The following CABCOCO1 variants were observed in gnomAD, a reference collection of about 807,000 sequenced individuals.
CABCOCO1 encodes ciliary-associated calcium-binding coiled-coil protein 1.
In CABCOCO1, 28 loss-of-function variants were observed where a neutral mutation model predicts 35.7. The observed-to-expected ratio is 0.78, with a 90% CI of 0.58 to 1.07. The LOEUF (loss-of-function observed/expected upper bound fraction) is 1.07. Among genes scored for constraint, CABCOCO1 ranks in the 50% least tolerant of loss-of-function variants. The pLI is 0.00. For missense variants in CABCOCO1, 326 were observed against 309.2 expected (o/e 1.05, Z -0.41); for synonymous variants, 95 against 100.1 (o/e 0.95, Z 0.30).
intron 2 of CABCOCO1, among the ~76,000 whole-genome samples, chr10:61,677,511 AT>A (rs201210224): frequency 1.6e-4 from 24 of 150,164 alleles, no homozygotes; most frequent in East Asian, 7.8e-4. Flanking sequence ...GTTCATTACC[AT>A]TTTTTTTCCC....
intron 2 of CABCOCO1, among the ~76,000 whole-genome samples, chr10:61,679,467 G>T (rs1444289054): frequency 6.6e-6 from 1 of 152,068 alleles, no homozygotes; most frequent in Non-Finnish European, 1.5e-5. Context: ...ACAGGAAATT[G>T]ACTGTTTATA....
intron 2 of CABCOCO1, among the ~76,000 whole-genome samples, chr10:61,674,853 C>A (rs976382380): frequency 3.9e-5 from 6 of 152,014 alleles, no homozygotes; most frequent in African/African-American, 1.5e-4. Flanking sequence ...TTTAATGTAA[C>A]CTTGACTTTA....
intron 7 of CABCOCO1, among the ~76,000 whole-genome samples, chr10:61,765,543 G>A (rs973237): frequency 0.73 from 110,756 of 152,184 alleles, 40,385 homozygotes; most frequent in South Asian, 0.76. Context: ...TGTATTACAC[G>A]GGAGACACAG....
In CABCOCO1 at chr10:61,665,616, G is replaced by A. The variant is rs1265398744; in HGVS notation, c.60+2584G>A. Reference sequence around the variant, plus strand: ...AAAATATCTAGGGAAGGCCGGGCGCGGTGGCTCACGCCTGTAATCCCAGCA... The same window carrying A: ...AAAATATCTAGGGAAGGCCGGGCGCAGTGGCTCACGCCTGTAATCCCAGCA... On this transcript the variant is annotated intron_variant, in intron 1 of 7. Coordinates refer to ENST00000648843, the MANE Select transcript of CABCOCO1 (RefSeq NM_001366906.2). Among the ~76,000 whole-genome samples the A allele has an allele frequency of 2.6e-5, 4 of 152,146 alleles. No individual in the cohort carries two copies. In the South Asian group the frequency reaches 8.3e-4, roughly 32 times the overall value.
chr10:61,678,295 T>A (rs1158832839), intron 2 of CABCOCO1, among the ~76,000 whole-genome samples: 1 of 152,174 alleles, frequency 6.6e-6, no homozygotes, highest in East Asian at 1.9e-4. Flanking sequence ...GGCAGTTTTC[T>A]TACTGACTTT....
At chr10:61,665,880 C>A (rs1839156077) in intron 1 of CABCOCO1, among the ~76,000 whole-genome samples, 1 of 115,330 alleles carries the variant, frequency 8.7e-6, no homozygotes. Flanking sequence ...GAGCGAGACT[C>A]CGTCTCAAAA....
chr10:61,764,638 A>G (rs1842071259), intron 7 of CABCOCO1, among the ~76,000 whole-genome samples: 1 of 152,112 alleles, frequency 6.6e-6, no homozygotes, highest in East Asian at 1.9e-4. Context: ...CTTTAGAGTC[A>G]GTGCATCCTA....
intron 3 of CABCOCO1, among the ~76,000 whole-genome samples, chr10:61,682,754 A>T (rs58291719): frequency 0.24 from 36,155 of 152,018 alleles, 4,522 homozygotes; most frequent in African/African-American, 0.31. Context: ...GTGACTCCTT[A>T]AGGACACACA....
At chr10:61,718,876 T>C (rs1454591992) in intron 5 of CABCOCO1, among the ~76,000 whole-genome samples, 1 of 152,198 alleles carries the variant, frequency 6.6e-6, no homozygotes, top group African/African-American at 2.4e-5. Context: ...AAAAAGGTGT[T>C]CATTTCTACC....
chr10:61,678,783 C>G (rs566312426), intron 2 of CABCOCO1, among the ~76,000 whole-genome samples: 5 of 152,126 alleles, frequency 3.3e-5, no homozygotes, highest in African/African-American at 1.2e-4. Context: ...AATTTAGGAG[C>G]AGGCCCATCA....
intron 5 of CABCOCO1, among the ~76,000 whole-genome samples, chr10:61,695,077 G>A (rs1262201783): frequency 6.6e-6 from 1 of 151,834 alleles, no homozygotes. Context: ...GACCACAAGT[G>A]CTCCAGATGA....
chr10:61,726,597 A>G (rs1290636382), intron 5 of CABCOCO1, among the ~76,000 whole-genome samples: 1 of 152,048 alleles, frequency 6.6e-6, no homozygotes, highest in Non-Finnish European at 1.5e-5. Context: ...TTTTATGAAT[A>G]AAAAGCAATA....
intron 1 of CABCOCO1, among the ~76,000 whole-genome samples, chr10:61,663,720 C>T (rs866800963): frequency 2.0e-5 from 3 of 152,090 alleles, no homozygotes; most frequent in Admixed American, 6.5e-5. Flanking sequence ...GATCTTTAGG[C>T]CCCTCCCATC....
At chr10:61,685,707 T>C (rs893398107) in intron 3 of CABCOCO1, among the ~76,000 whole-genome samples, 1 of 152,096 alleles carries the variant, frequency 6.6e-6, no homozygotes. Context: ...ACCACGGGCA[T>C]GTGTCACCAT....
At position 61,766,651 on chromosome 10, in the gene CABCOCO1, CAGG is replaced by C. The variant is rs955583738; in HGVS notation, c.*641_*643del. The C allele has an allele frequency of 3.3e-5, 5 of 151,858 alleles. No homozygotes were observed. Among genetic ancestry groups the C allele is most frequent in the Admixed American group, 3.3e-4 (5 of 15,250 alleles). The allele number at this position is 151,858 out of a possible 1,614,324, so 9.4% of individuals were successfully genotyped here. A position where few individuals can be genotyped will look rare whatever the true frequency, so the allele number is the denominator to read the frequency against. On this transcript the variant is annotated 3_prime_UTR_variant, in exon 8 of 8. Transcript: ENST00000648843. ...GTTATTTCTAATCTTGTTACTCTCCCAGGAGAATACATGACCTATATAAAAAGA... is the reference window on the plus strand; with the variant it reads ...GTTATTTCTAATCTTGTTACTCTCCCAGAATACATGACCTATATAAAAAGA...
rs1477532204 is a variant in CABCOCO1, at chr10:61,766,185, C to T, written c.*172C>T. On this transcript the variant is annotated 3_prime_UTR_variant, in exon 8 of 8. Transcript: ENST00000648843. ...AAAGTATTGGTCCCAATTTTGCTAT[C>T]TCCCATCCCATAACAGCCTCTGAAT... 1 of 552,932 alleles carries T rather than the reference C, an allele frequency of 1.8e-6. No individual in the cohort carries two copies. The highest frequency in any genetic ancestry group is 2.8e-4 in the Middle Eastern group (1 of 3,586). 34.3% of individuals were successfully genotyped at this position (552,932 alleles called of 1,614,324 possible).
At chr10:61,703,568 CT>C (rs972217786) in intron 5 of CABCOCO1, among the ~76,000 whole-genome samples, 11 of 152,214 alleles carry the variant, frequency 7.2e-5, no homozygotes, top group African/African-American at 2.4e-4. Flanking sequence ...TCTATGAAGA[CT>C]TTTCTGACTT....
At chr10:61,749,204 G>C in intron 5 of CABCOCO1, among the ~76,000 whole-genome samples, 1 of 152,144 alleles carries the variant, frequency 6.6e-6, no homozygotes, top group Non-Finnish European at 1.5e-5. Context: ...ATATGGAAAT[G>C]GATTTAAAGC....
intron 1 of CABCOCO1, among the ~76,000 whole-genome samples, chr10:61,668,256 G>C (rs549963366): frequency 2.4e-4 from 36 of 151,850 alleles, no homozygotes; most frequent in African/African-American, 8.7e-4. Flanking sequence ...TTTCTAAGAG[G>C]TATTTTAATT....
Sources: allele counts gnomAD v4.1 joint callset (sites outside exome capture counted in the v4.1 genomes callset), GRCh38; gene constraint gnomAD v4.1.1; transcripts MANE v1.5; gene names NCBI Gene and HGNC (gene_info 2026-07-23, HGNC 2026-07-21).